Variants in PI4K2A observed in about 807,000 individuals in gnomAD.
PI4K2A encodes phosphatidylinositol 4-kinase type 2-alpha.
A neutral mutation model predicts 55.0 loss-of-function variants in PI4K2A; 20 were observed. The ratio of observed to expected loss-of-function variants is 0.36; its 90% confidence interval spans 0.26 to 0.53. The LOEUF (loss-of-function observed/expected upper bound fraction) is 0.53. Among genes scored for constraint, PI4K2A ranks in the 20% least tolerant of loss-of-function variants. The probability of loss-of-function intolerance (pLI) is 0.91; values close to 1 mark genes in which losing one functional copy is unlikely to be tolerated. For missense variants in PI4K2A, 463 were observed against 637.1 expected, an observed-to-expected ratio of 0.73 and a Z score of 2.94; for synonymous variants, 235 against 258.5, an observed-to-expected ratio of 0.91 and a Z score of 0.87.
intron 2 of PI4K2A, among the ~76,000 whole-genome samples, chr10:97,653,768 T>C (rs534057500): frequency 2.6e-5 from 4 of 152,244 alleles, no homozygotes; most frequent in African/African-American, 9.6e-5. Context: ...AATACAAAAC[T>C]TAGCTGAGCA....
intron 4 of PI4K2A, among the ~76,000 whole-genome samples, chr10:97,662,251 T>A (rs2041587772): frequency 6.6e-6 from 1 of 152,226 alleles, no homozygotes; most frequent in African/African-American, 2.4e-5. Context: ...CCTACAGATC[T>A]GTTTTAATTT....
intron 7 of PI4K2A, 75 bp from the exon 8 acceptor site, chr10:97,666,986 T>C: frequency 8.5e-7 from 1 of 1,182,354 alleles, no homozygotes; most frequent in South Asian, 1.3e-5. Context: ...CTTAGAAAGT[T>C]TCTAACTGGG....
chr10:97,642,701 A>G (rs2041476489), intron 1 of PI4K2A, among the ~76,000 whole-genome samples: 3 of 151,982 alleles, frequency 2.0e-5, no homozygotes, highest in Non-Finnish European at 4.4e-5. Flanking sequence ...AGTTTCTTAA[A>G]TAAAAGAGCT....
intron 1 of PI4K2A, among the ~76,000 whole-genome samples, chr10:97,648,555 C>T (rs939654108): frequency 1.3e-5 from 2 of 152,138 alleles, no homozygotes; most frequent in South Asian, 2.1e-4. Context: ...TGACCTCAGC[C>T]CTGGTATTTT....
chr10:97,654,136 C>G (rs1237782403), intron 2 of PI4K2A, among the ~76,000 whole-genome samples: 1 of 152,222 alleles, frequency 6.6e-6, no homozygotes, highest in Non-Finnish European at 1.5e-5. Flanking sequence ...CACTCACTGG[C>G]TGTCTCTGCT....
intron 8 of PI4K2A, among the ~76,000 whole-genome samples, chr10:97,669,219 A>G (rs953094570): frequency 1.3e-5 from 2 of 152,180 alleles, no homozygotes; most frequent in African/African-American, 4.8e-5. Context: ...TACCAGTAAC[A>G]TGGTATTCCT....
At chr10:97,644,540 A>G (rs2041494874) in intron 1 of PI4K2A, among the ~76,000 whole-genome samples, 1 of 152,246 alleles carries the variant, frequency 6.6e-6, no homozygotes, top group South Asian at 2.1e-4. Flanking sequence ...ATGACATTTC[A>G]CTTTATTGGA....
chr10:97,673,637 G>T, exon 9 of PI4K2A: 2 of 1,614,098 alleles, frequency 1.2e-6, no homozygotes, highest in African/African-American at 2.7e-5. Flanking sequence ...ACCTCGTCCA[G>T]ATGCCACCTG....
chr10:97,640,867 C>T, exon 1 of PI4K2A: 1 of 1,310,898 alleles, frequency 7.6e-7, no homozygotes, highest in Non-Finnish European at 9.7e-7. Context: ...GCGGCGGCGG[C>T]CGGCTCGGGC....
exon 9 of PI4K2A, chr10:97,675,720 AG>A (rs2041661082): frequency 6.5e-6 from 1 of 152,802 alleles, no homozygotes; most frequent in Admixed American, 6.5e-5. Context: ...AATTGGGTCC[AG>A]TGTAGGAGAG....
In PI4K2A at chr10:97,656,487, G is replaced by A; in HGVS notation, c.768+71G>A. 6.8e-7 allele frequency: 1 copy of A among 1,472,732 alleles called. No homozygotes were observed. Among genetic ancestry groups the A allele is most frequent in the Non-Finnish European group, 9.4e-7 (1 of 1,061,326 alleles). The allele number at this position is 1,472,732 out of a possible 1,614,324, so 91.2% of individuals were successfully genotyped here. The stretch of plus-strand genomic sequence containing the variant: ...CATAGTCATCCAAGTGGTGAAGCAA[G>A]GTGCCTACAACTCAAATATGGGCAC... On this transcript the variant is annotated intron_variant, in intron 3 of 8. Transcript: ENST00000370631. The surrounding 1 kb of genome is among the most constrained non-coding windows in gnomAD (Gnocchi z 4.5).
intron 1 of PI4K2A, among the ~76,000 whole-genome samples, chr10:97,649,101 G>A (rs1704102700): frequency 6.6e-6 from 1 of 152,172 alleles, no homozygotes; most frequent in Non-Finnish European, 1.5e-5. Context: ...GCAGATGGGT[G>A]TATGTTGTCT....
At chr10:97,666,492 T>C (rs1324444104) in exon 7 of PI4K2A, 2 of 1,613,434 alleles carry the variant, frequency 1.2e-6, no homozygotes, top group Non-Finnish European at 1.7e-6. Context: ...TCTCAGGAGA[T>C]CAAAGATCTG....
chr10:97,642,872 TCTTTCTTTCTTTCTTCCTTC>T (rs2041482856), intron 1 of PI4K2A, among the ~76,000 whole-genome samples: 2 of 124,626 alleles, frequency 1.6e-5, no homozygotes, highest in East Asian at 2.2e-4. Context: ...TCTTTTTCTT[TCTTTCTTTCTTTCTTCCTTC>T]CTTCCTTCCT....
intron 8 of PI4K2A, 96 bp downstream of exon 8, chr10:97,667,216 C>CT (rs201616008): frequency 3.4e-6 from 3 of 875,056 alleles, no homozygotes; most frequent in East Asian, 2.6e-5. Context: ...TTATACCCCC[C>CT]CCTTTTTTTT....
At chr10:97,668,975 C>T (rs2041623047) in intron 8 of PI4K2A, among the ~76,000 whole-genome samples, 2 of 152,102 alleles carry the variant, frequency 1.3e-5, no homozygotes, top group South Asian at 4.1e-4. Context: ...AAGTGATTCT[C>T]CTGCCTCAGC....
At chr10:97,667,216 C>T (rs185869080) in intron 8 of PI4K2A, 96 bp downstream of exon 8, 16,433 of 874,644 alleles carry the variant, frequency 0.019, 262 homozygotes, top group South Asian at 0.081. Context: ...TTATACCCCC[C>T]CCTTTTTTTT....
chr10:97,642,136 T>C (rs1289188523), intron 1 of PI4K2A, among the ~76,000 whole-genome samples: 1 of 152,176 alleles, frequency 6.6e-6, no homozygotes, highest in Non-Finnish European at 1.5e-5. Flanking sequence ...TTCCTCAGAT[T>C]TTCCCTGACA....
intron 4 of PI4K2A, among the ~76,000 whole-genome samples, chr10:97,661,234 G>T (rs573927539): frequency 6.6e-6 from 1 of 151,580 alleles, no homozygotes; most frequent in Non-Finnish European, 1.5e-5. Context: ...CTCGTGATCC[G>T]CCCACCTCGG....
Sources: allele counts gnomAD v4.1 joint callset (sites outside exome capture counted in the v4.1 genomes callset), GRCh38; gene constraint gnomAD v4.1.1; non-coding constraint Gnocchi (gnomAD v3.1); transcripts MANE v1.5; gene names NCBI Gene and HGNC (gene_info 2026-07-23, HGNC 2026-07-21).